Variants in STAG1 observed in about 807,000 individuals in gnomAD.
STAG1 encodes the protein STAG1 cohesin complex component.
Under a neutral mutation model 170.9 loss-of-function variants are expected in STAG1, and 26 were observed. That is an observed-to-expected ratio of 0.15 (90% CI 0.11 to 0.21). The LOEUF (loss-of-function observed/expected upper bound fraction) is 0.21, where lower values mean the gene tolerates loss of function less well. Ranked by LOEUF, STAG1 falls within the 10% of genes least tolerant of loss-of-function variation. The probability of loss-of-function intolerance (pLI) is 1.00; values close to 1 mark genes in which losing one functional copy is unlikely to be tolerated. For synonymous variants in STAG1, 514 were observed against 497.7 expected (o/e 1.03, Z -0.44); for missense variants, 964 against 1,509.5 (o/e 0.64, Z 5.99).
rs1298405157 is a variant in STAG1 at position 136,449,957 on chromosome 3, C to T, written c.1428+2076G>A. On this transcript the variant is annotated intron_variant, in intron 14 of 33. Transcript: ENST00000383202. ...TGCACAGGCTGGAGTACAAATGGAGCGATCATAGCTTACTGCAGCCTGTGC... is the reference window on the plus strand; with the variant it reads ...TGCACAGGCTGGAGTACAAATGGAGTGATCATAGCTTACTGCAGCCTGTGC... Among the ~76,000 whole-genome samples the T allele has an allele frequency of 2.1e-5, 3 of 142,254 alleles. No homozygotes were observed. The East Asian group carries it at 6.1e-4, about 29-fold the overall frequency. The allele number at this position is 142,254 out of a possible 152,430, so 93.3% of individuals were successfully genotyped here.
intron 6 of STAG1, among the ~76,000 whole-genome samples, chr3:136,524,883 G>A (rs112631354): frequency 1.2e-3 from 177 of 152,232 alleles, no homozygotes; most frequent in African/African-American, 2.5e-3. Context: ...TTCTGTTCAT[G>A]TGCTGGATTA....
intron 6 of STAG1, among the ~76,000 whole-genome samples, chr3:136,524,572 T>A (rs959167209): frequency 6.6e-6 from 1 of 152,200 alleles, no homozygotes. Context: ...CTTCTCCTAA[T>A]TGAATACCCT....
chr3:136,445,302 AC>A (rs1354990284), intron 14 of STAG1, among the ~76,000 whole-genome samples: 4 of 152,144 alleles, frequency 2.6e-5, no homozygotes, highest in Admixed American at 1.3e-4. Flanking sequence ...CTATCCTTAG[AC>A]CATCCATAAC....
At chr3:136,722,009 C>T (rs1933307095) in intron 1 of STAG1, among the ~76,000 whole-genome samples, 1 of 151,902 alleles carries the variant, frequency 6.6e-6, no homozygotes, top group African/African-American at 2.4e-5. Flanking sequence ...ATCGCTTGAG[C>T]TTCCAAGTTT....
At chr3:136,668,941 C>A (rs1187040233) in intron 1 of STAG1, among the ~76,000 whole-genome samples, 1 of 152,162 alleles carries the variant, frequency 6.6e-6, no homozygotes, top group Non-Finnish European at 1.5e-5. Context: ...CAGTAATTTT[C>A]CAACTATGCT....
chr3:136,443,214 C>A, intron 15 of STAG1, 73 bp downstream of exon 15: 1 of 970,424 alleles, frequency 1.0e-6, no homozygotes, highest in Non-Finnish European at 1.5e-6. Context: ...TTTTAAGAAG[C>A]GATCTATATA....
At chr3:136,345,455 GTTTTT>G (rs34593330) in intron 29 of STAG1, among the ~76,000 whole-genome samples, 7 of 99,276 alleles carry the variant, frequency 7.1e-5, no homozygotes, top group East Asian at 4.9e-4. Context: ...TTACCTAGTT[GTTTTT>G]TTTTTTTTTT....
At chr3:136,382,575 T>C (rs560083861) in intron 22 of STAG1, among the ~76,000 whole-genome samples, 1 of 152,084 alleles carries the variant, frequency 6.6e-6, no homozygotes, top group East Asian at 1.9e-4. Context: ...GCTACTATTT[T>C]TTTTCTTGTA....
intron 26 of STAG1, among the ~76,000 whole-genome samples, chr3:136,360,505 C>G (rs1936820206): frequency 6.6e-6 from 1 of 152,174 alleles, no homozygotes; most frequent in South Asian, 2.1e-4. Context: ...CCCAATCTCT[C>G]AATTTATTCT....
chr3:136,694,413 T>G (rs1942816827), intron 1 of STAG1, among the ~76,000 whole-genome samples: 1 of 151,930 alleles, frequency 6.6e-6, no homozygotes, highest in South Asian at 2.1e-4. Context: ...GCCAGGAGTC[T>G]GAACCTAGCC....
chr3:136,595,478 G>A (rs909934957), intron 4 of STAG1, among the ~76,000 whole-genome samples: 4 of 151,912 alleles, frequency 2.6e-5, no homozygotes, highest in Non-Finnish European at 4.4e-5. Flanking sequence ...TGGATCACGA[G>A]GTCAGGAGAT....
At chr3:136,453,324 G>T (rs1313493129) in intron 13 of STAG1, among the ~76,000 whole-genome samples, 1 of 152,092 alleles carries the variant, frequency 6.6e-6, no homozygotes, top group Non-Finnish European at 1.5e-5. Flanking sequence ...GGGCACGGTG[G>T]CTCACGCCTA....
At chr3:136,475,197 A>C (rs1230242876) in intron 10 of STAG1, among the ~76,000 whole-genome samples, 2 of 119,934 alleles carry the variant, frequency 1.7e-5, no homozygotes, top group Non-Finnish European at 3.2e-5. Context: ...CCCAGGCTGG[A>C]GTACAGTGGT....
At chr3:136,644,420 A>C (rs1208927126) in intron 1 of STAG1, among the ~76,000 whole-genome samples, 3 of 152,292 alleles carry the variant, frequency 2.0e-5, no homozygotes, top group Non-Finnish European at 4.4e-5. Flanking sequence ...ATCTTGATTA[A>C]ATATACTCCA....
chr3:136,444,247 TA>T (rs1238145676), intron 14 of STAG1, among the ~76,000 whole-genome samples: 2 of 152,130 alleles, frequency 1.3e-5, no homozygotes, highest in African/African-American at 2.4e-5. Flanking sequence ...CTAACTTTCG[TA>T]TTTTTGGTAG....
intron 5 of STAG1, among the ~76,000 whole-genome samples, chr3:136,567,664 A>C (rs749020321): frequency 1.2e-4 from 18 of 152,152 alleles, no homozygotes; most frequent in Non-Finnish European, 2.5e-4. Flanking sequence ...CTTGACTCTC[A>C]ATCTTGAGTT....
At chr3:136,572,671 C>T (rs1273648509) in intron 4 of STAG1, among the ~76,000 whole-genome samples, 1 of 151,216 alleles carries the variant, frequency 6.6e-6, no homozygotes, top group Admixed American at 6.6e-5. Flanking sequence ...AATAATAGCC[C>T]TTTGCATTAA....
chr3:136,750,264 C>G (rs1935161949), intron 1 of STAG1, among the ~76,000 whole-genome samples: 1 of 152,128 alleles, frequency 6.6e-6, no homozygotes, highest in South Asian at 2.1e-4. Context: ...GTTCCTCCTG[C>G]CTCACTACAG....
At chr3:136,588,154 C>T (rs1937937179) in intron 4 of STAG1, among the ~76,000 whole-genome samples, 1 of 152,184 alleles carries the variant, frequency 6.6e-6, no homozygotes, top group Non-Finnish European at 1.5e-5. Flanking sequence ...TCTTCACTTG[C>T]TCATTATCTA....
Sources: allele counts gnomAD v4.1 joint callset (sites outside exome capture counted in the v4.1 genomes callset), GRCh38; gene constraint gnomAD v4.1.1; transcripts MANE v1.5; gene names NCBI Gene and HGNC (gene_info 2026-07-23, HGNC 2026-07-21).